ALPK2: variants seen among roughly 807,000 people sequenced by gnomAD.
ALPK2 encodes the protein alpha-protein kinase 2.
ALPK2 carries 127 observed loss-of-function variants against 163.1 expected under a neutral mutation model. That is an observed-to-expected ratio of 0.78 (90% CI 0.67 to 0.90). ALPK2 has a LOEUF of 0.90. Among genes scored for constraint, ALPK2 ranks in the 40% least tolerant of loss-of-function variants. The pLI, the probability that ALPK2 is intolerant of heterozygous loss-of-function variation, is 0.00. For synonymous variants in ALPK2, 953 were observed against 959.1 expected, an observed-to-expected ratio of 0.99 and a Z score of 0.12; for missense variants, 2,360 against 2,589.6, an observed-to-expected ratio of 0.91 and a Z score of 1.92.
intron 6 of ALPK2, among the ~76,000 whole-genome samples, chr18:58,527,619 T>G (rs549479776): frequency 1.3e-5 from 2 of 152,348 alleles, no homozygotes; most frequent in East Asian, 3.9e-4. Context: ...ACTGGTTAAT[T>G]GCTCTTGGCT....
intron 3 of ALPK2, among the ~76,000 whole-genome samples, chr18:58,596,327 G>A (rs761426760): frequency 3.9e-5 from 6 of 152,186 alleles, no homozygotes; most frequent in Non-Finnish European, 8.8e-5. Context: ...ATCTCATGAT[G>A]CCTCTGCCTG....
At chr18:58,573,270 ATATGTATATATG>A (rs2051897117) in intron 4 of ALPK2, among the ~76,000 whole-genome samples, 1 of 147,598 alleles carries the variant, frequency 6.8e-6, no homozygotes, top group African/African-American at 2.5e-5. Flanking sequence ...ATGTGTATAT[ATATGTATATATG>A]TGTATATATG....
chr18:58,556,302 A>G lies in ALPK2; in HGVS notation c.1963-18078T>C, dbSNP rs573714458. ...CACCACTGTTATCGACAGTTATTTT[A>G]GTTTTGAGGAGAGCTAAGGAACTCA... On this transcript the variant is annotated intron_variant, in intron 4 of 12. Transcript: ENST00000361673. Among the ~76,000 whole-genome samples the G allele has an allele frequency of 4.6e-5, 7 of 152,300 alleles. No homozygotes were observed. In the East Asian group the frequency reaches 1.4e-3, roughly 29 times the overall value.
chr18:58,534,937 C>T lies in ALPK2; in HGVS notation c.5250G>A (p.Lys1750=). Residue 1750 remains lysine, a synonymous_variant, in exon 5 of 13, where the codon AAG becomes AAA. Coordinates refer to ENST00000361673, the MANE Select transcript of ALPK2 (RefSeq NM_052947.4). ...LKLEEKENIR[K]NSAFLKKMPK... is the part of the protein sequence containing the mutation. Reference sequence around the variant, plus strand: ...GCATCTTTTTAAGAAAGGCTGAGTTCTTTCTGATATTTTCCTTTTCTTCCA... The same window carrying T: ...GCATCTTTTTAAGAAAGGCTGAGTTTTTTCTGATATTTTCCTTTTCTTCCA... 1 of 1,614,090 alleles carries T rather than the reference C, an allele frequency of 6.2e-7. No homozygotes were observed. The highest frequency in any genetic ancestry group is 1.7e-5 in the Admixed American group (1 of 60,016).
In ALPK2 at chr18:58,578,878, T is replaced by G; in HGVS notation, c.1898A>C (p.Glu633Ala). ...AAATAGAGTATTAACTTGCATGCCT[T>G]CTCCCTTGCAATTTGTGTTGCCTTC... is the stretch of plus-strand genomic sequence containing the variant. ...SKEGNTNCKG[E>A]GMQVNTLFET... The change falls in exon 4 of 13, where the codon GAA becomes GCA. Residue 633 changes from glutamate (E) to alanine (A), a missense_variant. Transcript: ENST00000361673. 6.2e-7 allele frequency: 1 copy of G among 1,614,212 alleles called. No individual in the cohort carries two copies. The highest frequency in any genetic ancestry group is 8.5e-7 in the Non-Finnish European group (1 of 1,180,042).
chr18:58,536,434 T>C lies in ALPK2; in HGVS notation c.3753A>G (p.Pro1251=), dbSNP rs1325791915. 6.2e-7 allele frequency: 1 copy of C among 1,614,206 alleles called. No individual in the cohort carries two copies. The highest frequency in any genetic ancestry group is 8.5e-7 in the Non-Finnish European group (1 of 1,180,026). Residue 1251 remains proline, a synonymous_variant, in exon 5 of 13, where the codon CCA becomes CCG. Transcript: ENST00000361673. ...LEASASEIWP[P]RQLTNSESKA... ...TGCTCTCAGAATTTGTCAGTTGTCG[T>C]GGTGGCCAGATTTCAGAAGCGGAAG...
chr18:58,516,932 T>C lies in ALPK2; in HGVS notation c.5916A>G (p.Gln1972=), dbSNP rs1381930303. 7 of 1,613,878 alleles carry C rather than the reference T, an allele frequency of 4.3e-6. No homozygotes were observed. In the African/African-American group the frequency reaches 5.3e-5, roughly 12 times the overall value. Reference sequence around the variant, plus strand: ...CCTGGGCAGCGAGTTTGTAGTTCCTTTGGATGAGCTCATCATTATTTCTGG... The same window carrying C: ...CCTGGGCAGCGAGTTTGTAGTTCCTCTGGATGAGCTCATCATTATTTCTGG... ...YGTRNNDELI[Q]RNYKLAAQEC... The change falls in exon 9 of 13, where the codon CAA becomes CAG. Residue 1972 remains glutamine (Q), a synonymous_variant. Transcript: ENST00000361673.
At chr18:58,606,266 G>A (rs1040215311) in intron 3 of ALPK2, among the ~76,000 whole-genome samples, 1 of 152,054 alleles carries the variant, frequency 6.6e-6, no homozygotes, top group African/African-American at 2.4e-5. Flanking sequence ...TTTTTGTAGA[G>A]ATGAAGTCTC....
rs1386560606 is a variant in ALPK2 at position 58,576,126 on chromosome 18, C to A, written c.1962+2688G>T. Among the ~76,000 whole-genome samples, 13 of 152,282 alleles carry A rather than the reference C, an allele frequency of 8.5e-5. No individual in the cohort carries two copies. The East Asian group carries it at 2.5e-3, about 29-fold the overall frequency. On this transcript the variant is annotated intron_variant, in intron 4 of 12. Coordinates refer to ENST00000361673, the MANE Select transcript of ALPK2 (RefSeq NM_052947.4). Reference sequence around the variant, plus strand: ...TGGTGGCTCATGCCTGTAATCCCAGCACTTTGGGAGGCTGAGGTGGGTGGA... The same window carrying A: ...TGGTGGCTCATGCCTGTAATCCCAGAACTTTGGGAGGCTGAGGTGGGTGGA...
rs537056128 is a variant in ALPK2 at position 58,481,253 on chromosome 18, T to C, written c.*570A>G. The C allele has an allele frequency of 6.4e-6, 1 of 157,050 alleles. No individual in the cohort carries two copies. The highest frequency in any genetic ancestry group is 1.9e-4 in the East Asian group (1 of 5,378). 9.7% of individuals were successfully genotyped at this position (157,050 alleles called of 1,614,324 possible). A position where few individuals can be genotyped will look rare whatever the true frequency, so the allele number is the denominator to read the frequency against. ...TGATATACACATCTTACACTTTTTG[T>C]TTAAATATGAATTTAATTAAACAGA... On this transcript the variant is annotated 3_prime_UTR_variant, in exon 13 of 13. Transcript: ENST00000361673.
intron 4 of ALPK2, among the ~76,000 whole-genome samples, chr18:58,559,940 A>G (rs911717810): frequency 5.3e-5 from 8 of 152,206 alleles, no homozygotes; most frequent in Non-Finnish European, 1.0e-4. Context: ...TCAGAACAAC[A>G]TAGATTTATT....
intron 4 of ALPK2, among the ~76,000 whole-genome samples, chr18:58,567,224 TAA>T (rs34026272): frequency 1.0e-4 from 15 of 144,834 alleles, no homozygotes; most frequent in East Asian, 2.0e-4. Context: ...TGTCTCTACT[TAA>T]AAAAAAAAAA....
At chr18:58,604,106 C>A (rs537093194) in intron 3 of ALPK2, among the ~76,000 whole-genome samples, 1 of 152,218 alleles carries the variant, frequency 6.6e-6, no homozygotes, top group South Asian at 2.1e-4. Context: ...CTCTTAGCCT[C>A]CAAGCAGAAC....
chr18:58,507,595 G>A (rs978774018), intron 10 of ALPK2, among the ~76,000 whole-genome samples: 6 of 152,146 alleles, frequency 3.9e-5, no homozygotes, highest in Non-Finnish European at 8.8e-5. Flanking sequence ...GAATGAACAC[G>A]TAAGGCTTGT....
At chr18:58,487,938 T>A (rs2051348706) in intron 12 of ALPK2, among the ~76,000 whole-genome samples, 1 of 152,120 alleles carries the variant, frequency 6.6e-6, no homozygotes, top group Non-Finnish European at 1.5e-5. Flanking sequence ...TGGATGAGAG[T>A]GGTCCCTGCG....
chr18:58,563,455 A>G (rs1214331747), intron 4 of ALPK2, among the ~76,000 whole-genome samples: 1 of 152,222 alleles, frequency 6.6e-6, no homozygotes, highest in African/African-American at 2.4e-5. Flanking sequence ...TAAGAGTGAA[A>G]GAAGTGACTT....
At chr18:58,550,719 G>A (rs1196309885) in intron 4 of ALPK2, among the ~76,000 whole-genome samples, 49 of 47,332 alleles carry the variant, frequency 1.0e-3, no homozygotes, top group Middle Eastern at 0.015. Flanking sequence ...CTTCCATCAC[G>A]TACAACCCCA....
intron 4 of ALPK2, among the ~76,000 whole-genome samples, chr18:58,556,648 G>A (rs1033777673): frequency 1.4e-4 from 21 of 152,208 alleles, no homozygotes; most frequent in Non-Finnish European, 4.4e-5. Context: ...ATTATACCAA[G>A]GGTAGAAATC....
intron 12 of ALPK2, among the ~76,000 whole-genome samples, chr18:58,493,534 C>T (rs1431449929): frequency 6.6e-6 from 1 of 152,062 alleles, no homozygotes; most frequent in Admixed American, 6.5e-5. Context: ...GAAGGCAGAG[C>T]CTTTCTTTTG....
Sources: gnomAD v4.1 joint callset for allele counts (sites outside exome capture counted in the v4.1 genomes callset) on GRCh38, gnomAD v4.1.1 for gene constraint, MANE v1.5 for transcripts, NCBI Gene and HGNC (gene_info 2026-07-23, HGNC 2026-07-21) for gene names.